The following FAM20B variants were observed in gnomAD, a reference collection of about 807,000 sequenced individuals.
FAM20B encodes the protein FAM20B glycosaminoglycan xylosylkinase, also known as glycosaminoglycan xylosylkinase.
In FAM20B, 23 loss-of-function variants were observed where a neutral mutation model predicts 43.8. The ratio of observed to expected loss-of-function variants is 0.53; its 90% CI spans 0.38 to 0.74. The LOEUF (loss-of-function observed/expected upper bound fraction) is 0.74, where lower values mean the gene tolerates loss of function less well. Among genes scored for constraint, FAM20B ranks in the 30% least tolerant of loss-of-function variants. The pLI is 0.00. For synonymous variants in FAM20B, 178 were observed against 192.4 expected, an observed-to-expected ratio of 0.93 and a Z score of 0.62; for missense variants, 440 against 510.5, an observed-to-expected ratio of 0.86 and a Z score of 1.33.
At chr1:179,045,863 C>T (rs553432626) in intron 2 of FAM20B, among the ~76,000 whole-genome samples, 9 of 151,288 alleles carry the variant, frequency 5.9e-5, no homozygotes, top group African/African-American at 2.2e-4. Flanking sequence ...CACTGCCCTC[C>T]AGCCTGGGTG....
chr1:179,056,110 C>G (rs761200721), intron 4 of FAM20B, among the ~76,000 whole-genome samples: 4 of 152,200 alleles, frequency 2.6e-5, no homozygotes, highest in Admixed American at 6.5e-5. Context: ...ACAGTTGTTA[C>G]AATTGATGAG....
intron 1 of FAM20B, among the ~76,000 whole-genome samples, chr1:179,037,500 T>TTTTTG (rs10681214): frequency 2.7e-5 from 4 of 147,392 alleles, no homozygotes; most frequent in African/African-American, 5.1e-5. Flanking sequence ...TTTTTTTTTT[T>TTTTTG]GTGAGACGGA....
intron 4 of FAM20B, among the ~76,000 whole-genome samples, chr1:179,056,094 AG>A (rs1220098921): frequency 1.3e-5 from 2 of 152,180 alleles, no homozygotes; most frequent in Non-Finnish European, 2.9e-5. Flanking sequence ...CTCACATCAC[AG>A]TGGTACAGTT....
At chr1:179,048,261 G>C (rs545093908) in intron 2 of FAM20B, among the ~76,000 whole-genome samples, 13 of 152,286 alleles carry the variant, frequency 8.5e-5, no homozygotes, top group Admixed American at 3.9e-4. Context: ...TAGTCCAACT[G>C]TCCATTTTAC....
In FAM20B at chr1:179,066,834, C is replaced by T. The variant is rs781618885; in HGVS notation, c.973C>T (p.Leu325Phe). The T allele has an allele frequency of 1.2e-6, 2 of 1,612,938 alleles. No homozygotes were observed. Among genetic ancestry groups the T allele is most frequent in the Non-Finnish European group, 1.7e-6 (2 of 1,178,878 alleles). Reference protein sequence around the residue: ...GNPSLDERSILAPLYQCCIIR... With the variant: ...GNPSLDERSIFAPLYQCCIIR... ...CCCCTCGCTGGATGAAAGAAGCATT[C>T]TTGCCCCTCTCTATCAGTGTTGCAT... Residue 325 changes from leucine to phenylalanine, a missense_variant, in exon 7 of 8, where the codon CTT becomes TTT. Physicochemically the swap from Leu to Phe is conservative, Grantham distance 22 (BLOSUM62 0). Transcript: ENST00000263733.
chr1:179,035,284 T>G (rs1271232887), intron 1 of FAM20B: 1 of 630,764 alleles, frequency 1.6e-6, no homozygotes. Flanking sequence ...TGGTCTGTCT[T>G]CAGTCTTTAA....
intron 4 of FAM20B, among the ~76,000 whole-genome samples, chr1:179,060,020 T>C (rs1331718970): frequency 2.0e-5 from 3 of 151,994 alleles, no homozygotes; most frequent in East Asian, 1.9e-4. Flanking sequence ...TTTTCTCGTC[T>C]GTCTAGTTCC....
At chr1:179,032,600 A>AT (rs1400779808) in intron 1 of FAM20B, among the ~76,000 whole-genome samples, 3 of 152,198 alleles carry the variant, frequency 2.0e-5, no homozygotes, top group Non-Finnish European at 2.9e-5. Flanking sequence ...ACATGCTTTT[A>AT]ACCCCTCTGC....
intron 3 of FAM20B, among the ~76,000 whole-genome samples, 171 bp from the exon 4 acceptor site, chr1:179,054,358 T>C (rs1651123513): frequency 6.6e-6 from 1 of 152,238 alleles, no homozygotes. Context: ...AAATAAATTA[T>C]ACACACCTTC....
At chr1:179,054,498 T>C in intron 3 of FAM20B, 31 bp from the exon 4 acceptor site, 1 of 1,394,386 alleles carries the variant, frequency 7.2e-7, no homozygotes, top group South Asian at 1.2e-5. Flanking sequence ...CCTAAGATTT[T>C]TCTCTTCTGT....
chr1:179,027,207 A>G (rs1649824565), intron 1 of FAM20B, among the ~76,000 whole-genome samples: 1 of 152,192 alleles, frequency 6.6e-6, no homozygotes, highest in Non-Finnish European at 1.5e-5. Context: ...GGTACAAATT[A>G]CTATTGCCAT....
chr1:179,023,307 C>T (rs1213936463), upstream of FAM20B, among the ~76,000 whole-genome samples: 2 of 152,126 alleles, frequency 1.3e-5, no homozygotes, highest in Non-Finnish European at 1.5e-5. Context: ...GAAGGTACTT[C>T]GTATGAGGCA....
chr1:179,043,793 G>A lies in FAM20B; in HGVS notation c.-55G>A. On this transcript the variant is annotated 5_prime_UTR_variant, in exon 2 of 8. Coordinates refer to ENST00000263733, the MANE Select transcript of FAM20B (RefSeq NM_014864.4). ...ATCTCCTTGCTAACCATCACCACCAGCTCTCCTTAATACATGAGCAAGAGT... is the reference window on the plus strand; with the variant it reads ...ATCTCCTTGCTAACCATCACCACCAACTCTCCTTAATACATGAGCAAGAGT... 1 of 1,509,176 alleles carries A rather than the reference G, an allele frequency of 6.6e-7. No individual in the cohort carries two copies. Among genetic ancestry groups the A allele is most frequent in the Non-Finnish European group, 9.0e-7 (1 of 1,116,714 alleles). 93.5% of individuals were successfully genotyped at this position (1,509,176 alleles called of 1,614,324 possible).
chr1:179,019,997 T>C, the FAM20B span, among the ~76,000 whole-genome samples: 1 of 152,140 alleles, frequency 6.6e-6, no homozygotes, highest in African/African-American at 2.4e-5. Context: ...GGGCTTATAG[T>C]CCCACTGTGT....
At chr1:179,040,640 A>G (rs1256957639) in intron 1 of FAM20B, among the ~76,000 whole-genome samples, 1 of 124,766 alleles carries the variant, frequency 8.0e-6, no homozygotes, top group Non-Finnish European at 1.6e-5. Flanking sequence ...CACCTCCCGG[A>G]CGGGGCGGCT....
intron 4 of FAM20B, among the ~76,000 whole-genome samples, chr1:179,057,021 G>A (rs1314749486): frequency 2.6e-5 from 4 of 152,100 alleles, no homozygotes; most frequent in African/African-American, 4.8e-5. Flanking sequence ...TGGTATGGCC[G>A]AAAGTCCTTT....
chr1:179,029,242 C>T (rs1044529524), intron 1 of FAM20B, among the ~76,000 whole-genome samples: 1 of 152,326 alleles, frequency 6.6e-6, no homozygotes, highest in Non-Finnish European at 1.5e-5. Context: ...TCCAGCAGTT[C>T]CTTCTTCTAC....
At chr1:179,036,524 C>T (rs1650235212) in intron 1 of FAM20B, among the ~76,000 whole-genome samples, 1 of 152,040 alleles carries the variant, frequency 6.6e-6, no homozygotes, top group African/African-American at 2.4e-5. Flanking sequence ...TGAGGTTTTT[C>T]GTGAATAGTT....
rs1285402678 is a variant in FAM20B at position 179,043,909 on chromosome 1, A to G, written c.62A>G (p.Lys21Arg). 1.2e-6 allele frequency: 2 copies of G among 1,611,352 alleles called. No individual in the cohort carries two copies. Among genetic ancestry groups the G allele is most frequent in the African/African-American group, 1.3e-5 (1 of 74,896 alleles). Residue 21 changes from lysine to arginine, a missense_variant, in exon 2 of 8, where the codon AAA (lysine) becomes AGA (arginine). Transcript: ENST00000263733. ...CTCCTTGTCATTTTTATCTTCACCA[A>G]AGTTTTCCTGATTGACAACTTAGAT... ...AILLVIFIFTKVFLIDNLDTS... is the reference protein window; with the variant it reads ...AILLVIFIFTRVFLIDNLDTS...
Sources: allele counts gnomAD v4.1 joint callset (sites outside exome capture counted in the v4.1 genomes callset), GRCh38; gene constraint gnomAD v4.1.1; transcripts MANE v1.5; gene names NCBI Gene and HGNC (gene_info 2026-07-23, HGNC 2026-07-21).